The following AK8 variants were observed in gnomAD, a reference collection of about 807,000 sequenced individuals.
AK8 encodes the protein ATP-AMP transphosphorylase 8.
AK8 carries 44 observed loss-of-function variants against 54.6 expected under a neutral mutation model. The ratio of observed to expected loss-of-function variants is 0.81; its 90% CI spans 0.63 to 1.04. The LOEUF (loss-of-function observed/expected upper bound fraction) is 1.04, where lower values mean the gene tolerates loss of function less well. AK8 is among the 50% of genes least tolerant of loss of function. The probability of loss-of-function intolerance (pLI) is 0.00; values close to 1 mark genes in which losing one functional copy is unlikely to be tolerated. For synonymous variants in AK8, 239 were observed against 245.6 expected (o/e 0.97, Z 0.25); for missense variants, 555 against 613.6 (o/e 0.90, Z 1.01).
intron 11 of AK8, among the ~76,000 whole-genome samples, chr9:132,738,359 T>C (rs963634778): frequency 1.3e-5 from 2 of 152,108 alleles, no homozygotes; most frequent in African/African-American, 4.8e-5. Context: ...GGCCTAAGTA[T>C]CTTAACATGG....
chr9:132,750,529 T>C (rs58553648), intron 11 of AK8, among the ~76,000 whole-genome samples: 1 of 151,980 alleles, frequency 6.6e-6, no homozygotes, highest in South Asian at 2.1e-4. Flanking sequence ...TCCCTGAATA[T>C]TCCAACTCTG....
At chr9:132,859,563 G>A (rs1270646039) in intron 4 of AK8, among the ~76,000 whole-genome samples, 1 of 151,832 alleles carries the variant, frequency 6.6e-6, no homozygotes, top group Non-Finnish European at 1.5e-5. Flanking sequence ...TACAGGATCA[G>A]CACCTGAGAG....
chr9:132,843,296 G>GTC (rs954593763), intron 5 of AK8, among the ~76,000 whole-genome samples: 1 of 152,046 alleles, frequency 6.6e-6, no homozygotes, highest in East Asian at 1.9e-4. Flanking sequence ...CCCTCCCACT[G>GTC]TCTCTCTCTT....
intron 9 of AK8, among the ~76,000 whole-genome samples, chr9:132,818,504 A>G (rs80031750): frequency 2.0e-5 from 3 of 152,142 alleles, no homozygotes; most frequent in South Asian, 2.1e-4. Context: ...CATTCACTCA[A>G]AATAGGCTGG....
intron 4 of AK8, among the ~76,000 whole-genome samples, chr9:132,857,347 C>T (rs1843210809): frequency 6.6e-6 from 1 of 152,160 alleles, no homozygotes; most frequent in South Asian, 2.1e-4. Flanking sequence ...TGGAGAACCA[C>T]TGGCATAAGC....
At chr9:132,811,610 T>C (rs1242902020) in intron 10 of AK8, among the ~76,000 whole-genome samples, 3 of 152,204 alleles carry the variant, frequency 2.0e-5, no homozygotes, top group Non-Finnish European at 2.9e-5. Flanking sequence ...ACCATGACAT[T>C]TGTTATGAAG....
intron 3 of AK8, among the ~76,000 whole-genome samples, chr9:132,865,842 A>C (rs1473282973): frequency 6.6e-6 from 1 of 150,768 alleles, no homozygotes; most frequent in Non-Finnish European, 1.5e-5. Flanking sequence ...AAAAATAAAA[A>C]ATAAAGGTAA....
intron 10 of AK8, among the ~76,000 whole-genome samples, chr9:132,801,578 G>GT (rs1415959401): frequency 6.6e-6 from 1 of 152,146 alleles, no homozygotes; most frequent in East Asian, 1.9e-4. Flanking sequence ...CTTAGAACCA[G>GT]TTTTTTCTCC....
At chr9:132,810,143 A>G (rs1044266713) in intron 10 of AK8, among the ~76,000 whole-genome samples, 3 of 152,240 alleles carry the variant, frequency 2.0e-5, no homozygotes, top group African/African-American at 7.2e-5. Context: ...GATCAGGATT[A>G]GTGAAATGAC....
intron 1 of AK8, 105 bp from the exon 2 acceptor site, chr9:132,875,304 C>A: frequency 6.6e-7 from 1 of 1,516,656 alleles, no homozygotes; most frequent in Non-Finnish European, 8.9e-7. Context: ...CCCCACCAAA[C>A]ATGCCTTCAA....
At chr9:132,820,212 TAAA>T (rs36016329) in intron 9 of AK8, among the ~76,000 whole-genome samples, 1 of 136,438 alleles carries the variant, frequency 7.3e-6, no homozygotes, top group African/African-American at 2.7e-5. Flanking sequence ...ATGCTCACTG[TAAA>T]AAAAAAAAAA....
At chr9:132,759,225 T>A (rs1347719704) in intron 11 of AK8, among the ~76,000 whole-genome samples, 1 of 151,092 alleles carries the variant, frequency 6.6e-6, no homozygotes, top group Non-Finnish European at 1.5e-5. Flanking sequence ...AATAGAAATG[T>A]ACAATTCCAC....
chr9:132,878,666 C>T (rs1844273036), upstream of AK8: 25 of 999,614 alleles, frequency 2.5e-5, no homozygotes, highest in Non-Finnish European at 3.0e-5. This position sits in a 1 kb window ranked among gnomAD's most constrained non-coding sequence, Gnocchi z 4.7. Context: ...AAAACAGACG[C>T]GGGAATAAAT....
intron 11 of AK8, among the ~76,000 whole-genome samples, chr9:132,732,744 C>G (rs2130944564): frequency 6.6e-6 from 1 of 152,238 alleles, no homozygotes; most frequent in Non-Finnish European, 1.5e-5. Context: ...CTGGTTCAAG[C>G]TGTGCCTGTA....
Position 132,860,420 on chromosome 9 carries a change from T to TGTTACCCA in AK8, c.333+3244_333+3245insTGGGTAAC, listed in dbSNP as rs1843338507. On this transcript the variant is annotated intron_variant, in intron 4 of 12. Transcript: ENST00000298545. The surrounding 1 kb of genome is among the most constrained non-coding windows in gnomAD (Gnocchi z 4.4). The stretch of plus-strand genomic sequence containing the variant: ...CAAGCCAAGGCTGTTTACTCAGAGC[T>TGTTACCCA]TGCTGGGCAAGGGAGTCAGCCAGCA... Among the ~76,000 whole-genome samples, 2 of 152,186 alleles carry TGTTACCCA rather than the reference T, an allele frequency of 1.3e-5. No homozygotes were observed. Among genetic ancestry groups the TGTTACCCA allele is most frequent in the Non-Finnish European group, 2.9e-5 (2 of 68,020 alleles).
At chr9:132,847,136 C>T (rs1842782511) in intron 5 of AK8, among the ~76,000 whole-genome samples, 2 of 152,334 alleles carry the variant, frequency 1.3e-5, no homozygotes, top group East Asian at 1.9e-4. Context: ...ACACTCTTGA[C>T]CAGGAGAGCG....
At chr9:132,827,505 C>T (rs997657669) in intron 7 of AK8, 12 of 217,316 alleles carry the variant, frequency 5.5e-5, no homozygotes, top group East Asian at 1.1e-4. Flanking sequence ...GCGTGAGGCC[C>T]GGAAGATCAA....
chr9:132,761,592 AT>A (rs1418692259), intron 11 of AK8, among the ~76,000 whole-genome samples: 1 of 151,632 alleles, frequency 6.6e-6, no homozygotes, highest in African/African-American at 2.4e-5. Flanking sequence ...TATTCATAAG[AT>A]TTTTTTTCCT....
chr9:132,789,597 CAA>C (rs578003731), intron 11 of AK8, among the ~76,000 whole-genome samples: 129 of 57,532 alleles, frequency 2.2e-3, no homozygotes, highest in African/African-American at 8.1e-3. Context: ...ACTCATCTCA[CAA>C]AAAAAAAAAA....
Sources: gnomAD v4.1 joint callset for allele counts (sites outside exome capture counted in the v4.1 genomes callset) on GRCh38, gnomAD v4.1.1 for gene constraint, Gnocchi (gnomAD v3.1) non-coding constraint, MANE v1.5 for transcripts, NCBI Gene and HGNC (gene_info 2026-07-23, HGNC 2026-07-21) for gene names.